AGT: variants seen among roughly 807,000 people sequenced by gnomAD.
The protein encoded by AGT is alpha-1 antiproteinase, antitrypsin.
AGT carries 26 observed loss-of-function variants against 28.1 expected under a neutral mutation model. That is an observed-to-expected ratio of 0.92 (90% CI 0.68 to 1.28). AGT has a LOEUF of 1.28. AGT is among the 50% of genes most tolerant of loss of function. The probability of loss-of-function intolerance (pLI) is 0.00; values close to 1 mark genes in which losing one functional copy is unlikely to be tolerated. For synonymous variants in AGT, 259 were observed against 259.6 expected (o/e 1.00, Z 0.02); for missense variants, 596 against 592.3 (o/e 1.01, Z -0.06).
At chr1:230,725,164 A>G (rs1483755177) in intron 1 of AGT, among the ~76,000 whole-genome samples, 1 of 152,266 alleles carries the variant, frequency 6.6e-6, no homozygotes, top group South Asian at 2.1e-4. Flanking sequence ...AAGGGATTAA[A>G]TTGGTTTAAT....
At chr1:230,731,483 C>G (rs1432101913) in intron 1 of AGT, among the ~76,000 whole-genome samples, 2 of 152,222 alleles carry the variant, frequency 1.3e-5, no homozygotes, top group Non-Finnish European at 2.9e-5. Context: ...CTTACACGAC[C>G]TGGCTGCTGC....
At position 230,703,089 on chromosome 1, in the gene AGT, C is replaced by G. The variant is rs920588861; in HGVS notation, c.*52G>C. Reference sequence around the variant, plus strand: ...TGTTATCTGCTGCTGGCCTTTGCCTCAAAGGCCAGGGGCAGAGGCCTTGCC... The same window carrying G: ...TGTTATCTGCTGCTGGCCTTTGCCTGAAAGGCCAGGGGCAGAGGCCTTGCC... On this transcript the variant is annotated 3_prime_UTR_variant, in exon 5 of 5. Transcript: ENST00000366667. 8.1e-6 allele frequency: 13 copies of G among 1,596,824 alleles called. No homozygotes were observed. In the Admixed American group the frequency reaches 2.2e-4, roughly 27 times the overall value.
intron 1 of AGT, among the ~76,000 whole-genome samples, chr1:230,743,699 C>A (rs1001290335): frequency 6.6e-6 from 1 of 152,230 alleles, no homozygotes; most frequent in Non-Finnish European, 1.5e-5. Context: ...AAAACCCAGG[C>A]CCTGCTGTAA....
chr1:230,737,351 A>T (rs960943020), intron 1 of AGT, among the ~76,000 whole-genome samples: 1 of 152,070 alleles, frequency 6.6e-6, no homozygotes, highest in African/African-American at 2.4e-5. Context: ...CACTTTTGTC[A>T]CCAAGACTGG....
chr1:230,744,702 A>G (rs961510534), intron 1 of AGT, among the ~76,000 whole-genome samples: 5 of 152,208 alleles, frequency 3.3e-5, no homozygotes, highest in African/African-American at 1.2e-4. Flanking sequence ...TTCTTCCAAT[A>G]CATAGATAAG....
chr1:230,704,736 G>A (rs1199564303), intron 3 of AGT, among the ~76,000 whole-genome samples: 1 of 152,226 alleles, frequency 6.6e-6, no homozygotes, highest in East Asian at 1.9e-4. Context: ...AAGGAGAGAG[G>A]CAGGAGGGTA....
At chr1:230,723,257 G>A (rs1428729419) in intron 1 of AGT, among the ~76,000 whole-genome samples, 1 of 152,062 alleles carries the variant, frequency 6.6e-6, no homozygotes, top group Non-Finnish European at 1.5e-5. Flanking sequence ...AGAACTGTGA[G>A]CCAATTAAAC....
chr1:230,735,341 G>T (rs1354508908), intron 1 of AGT, among the ~76,000 whole-genome samples: 1 of 152,144 alleles, frequency 6.6e-6, no homozygotes, highest in African/African-American at 2.4e-5. Context: ...ACCTTCCAAA[G>T]TGTCGTTAGT....
At chr1:230,724,818 A>T (rs1663910077) in intron 1 of AGT, among the ~76,000 whole-genome samples, 1 of 152,174 alleles carries the variant, frequency 6.6e-6, no homozygotes, top group South Asian at 2.1e-4. Context: ...AGAGTAAGAC[A>T]TTGTCACAAA....
At chr1:230,735,214 C>A (rs924912394) in intron 1 of AGT, among the ~76,000 whole-genome samples, 1 of 152,130 alleles carries the variant, frequency 6.6e-6, no homozygotes, top group African/African-American at 2.4e-5. Flanking sequence ...ACGCTTCCTT[C>A]CACTACCTCC....
chr1:230,731,398 C>T (rs1664053003), intron 1 of AGT, among the ~76,000 whole-genome samples: 2 of 152,212 alleles, frequency 1.3e-5, no homozygotes, highest in Admixed American at 1.3e-4. Flanking sequence ...CATGAGATTT[C>T]CTCCCAGAGG....
At chr1:230,741,283 C>A (rs1037942998) in intron 1 of AGT, among the ~76,000 whole-genome samples, 2 of 152,164 alleles carry the variant, frequency 1.3e-5, no homozygotes, top group Non-Finnish European at 1.5e-5. Flanking sequence ...TTGGAGGAAA[C>A]TATATTCCAC....
intron 1 of AGT, among the ~76,000 whole-genome samples, chr1:230,732,124 G>C (rs2478518): frequency 0.21 from 31,665 of 151,794 alleles, 3,906 homozygotes; most frequent in East Asian, 0.49. Flanking sequence ...TTACTTATGT[G>C]CTGGTTTATG....
chr1:230,734,858 T>C (rs143536929), intron 1 of AGT, among the ~76,000 whole-genome samples: 5,468 of 151,998 alleles, frequency 0.036, 129 homozygotes, highest in Non-Finnish European at 0.05. Flanking sequence ...TACAGGCGCC[T>C]GCCACCACGC....
At chr1:230,712,941 T>A (rs1391295210) in intron 1 of AGT, among the ~76,000 whole-genome samples, 1 of 152,162 alleles carries the variant, frequency 6.6e-6, no homozygotes, top group Non-Finnish European at 1.5e-5. Flanking sequence ...GGCTGAATGC[T>A]AAAGGTGAAG....
chr1:230,710,603 G>A lies in AGT; in HGVS notation c.221C>T (p.Ala74Val), dbSNP rs140901725. 3.3e-5 allele frequency: 54 copies of A among 1,614,272 alleles called. No individual in the cohort carries two copies. In the African/African-American group the frequency reaches 6.7e-4, roughly 20 times the overall value. Reference sequence around the variant, plus strand: ...GACTAGCACCAGCTGGTCCTGTAGGGCCTTTTCATCCACAGGGGATGTCTT... The same window carrying A: ...GACTAGCACCAGCTGGTCCTGTAGGACCTTTTCATCCACAGGGGATGTCTT... ...QAKTSPVDEKALQDQLVLVAA... is the reference protein window; with the variant it reads ...QAKTSPVDEKVLQDQLVLVAA... The change falls in exon 2 of 5, where the codon GCC becomes GTC. Residue 74 changes from alanine to valine, a missense_variant. Physicochemically the swap from Ala to Val is moderately conservative, Grantham distance 64. Transcript: ENST00000366667.
chr1:230,743,119 T>C (rs1353437545), intron 1 of AGT, among the ~76,000 whole-genome samples: 1 of 152,054 alleles, frequency 6.6e-6, no homozygotes, highest in African/African-American at 2.4e-5. Context: ...GCCTCCCAAG[T>C]AGCTGGGATT....
intron 1 of AGT, among the ~76,000 whole-genome samples, chr1:230,731,508 C>T (rs1664061326): frequency 6.6e-6 from 1 of 152,210 alleles, no homozygotes; most frequent in South Asian, 2.1e-4. Context: ...CTCTCTACAG[C>T]CTTGGACCAT....
chr1:230,739,429 G>A (rs1434384037), intron 1 of AGT, among the ~76,000 whole-genome samples: 1 of 152,138 alleles, frequency 6.6e-6, no homozygotes, highest in Non-Finnish European at 1.5e-5. Flanking sequence ...CCACCAGGGT[G>A]TTGCCCTGAG....
Sources: allele counts gnomAD v4.1 joint callset (sites outside exome capture counted in the v4.1 genomes callset), GRCh38; gene constraint gnomAD v4.1.1; transcripts MANE v1.5; gene names NCBI Gene and HGNC (gene_info 2026-07-23, HGNC 2026-07-21).